Variants in SLC49A4 observed in about 807,000 individuals in gnomAD.
SLC49A4 encodes solute carrier family 49 member 4, also known as disrupted in renal cancer protein 2.
Under a neutral mutation model 50.6 loss-of-function variants are expected in SLC49A4, and 36 were observed. The ratio of observed to expected loss-of-function variants is 0.71; its 90% confidence interval spans 0.55 to 0.94. SLC49A4 has a LOEUF of 0.94. Ranked by LOEUF, SLC49A4 falls within the 40% of genes least tolerant of loss-of-function variation. SLC49A4 has a pLI of 0.00. For missense variants in SLC49A4, 503 were observed against 605.7 expected, an observed-to-expected ratio of 0.83 and a Z score of 1.78; for synonymous variants, 248 against 241.2, an observed-to-expected ratio of 1.03 and a Z score of -0.26.
Position 122,798,477 on chromosome 3 carries a change from A to G in SLC49A4, c.343+2942A>G, listed in dbSNP as rs189351785. Among the ~76,000 whole-genome samples, 80 of 152,200 alleles carry G rather than the reference A, an allele frequency of 5.3e-4. No individual in the cohort carries two copies. In the East Asian group the frequency reaches 0.014, roughly 27 times the overall value. On this transcript the variant is annotated intron_variant, in intron 1 of 8. Coordinates refer to ENST00000261038, the MANE Select transcript of SLC49A4 (RefSeq NM_032839.3). ...TCCTTTGGTTGAAGCAATAAAAAATACATTTAAAAATTCTCTTTATTAGGA... is the reference window on the plus strand; with the variant it reads ...TCCTTTGGTTGAAGCAATAAAAAATGCATTTAAAAATTCTCTTTATTAGGA...
chr3:122,845,013 T>C (rs1255687786), intron 4 of SLC49A4, among the ~76,000 whole-genome samples: 1 of 152,156 alleles, frequency 6.6e-6, no homozygotes, highest in Non-Finnish European at 1.5e-5. Context: ...ATTTGTTACA[T>C]GGGTAAATTC....
chr3:122,811,694 G>GCAGT (rs1421251124), intron 2 of SLC49A4, among the ~76,000 whole-genome samples: 1 of 152,178 alleles, frequency 6.6e-6, no homozygotes, highest in Non-Finnish European at 1.5e-5. Context: ...TGATTAGGAT[G>GCAGT]CAGTATATCA....
chr3:122,795,098 C>G lies in SLC49A4; in HGVS notation c.-95C>G, dbSNP rs913685813. 2 of 1,217,044 alleles carry G rather than the reference C, an allele frequency of 1.6e-6. No homozygotes were observed. Among genetic ancestry groups the G allele is most frequent in the Non-Finnish European group, 2.0e-6 (2 of 976,072 alleles). 75.4% of individuals were successfully genotyped at this position (1,217,044 alleles called of 1,614,324 possible). On this transcript the variant is annotated 5_prime_UTR_variant, in exon 1 of 9. Coordinates refer to ENST00000261038, the MANE Select transcript of SLC49A4 (RefSeq NM_032839.3). ...CGGAGGCCGAGGGCGACCACAGCAG[C>G]CTCCGCCTCCTGCTGCTCAGGACTA...
rs1191412171 is a variant in SLC49A4 at position 122,821,390 on chromosome 3, AG to A, written c.438-5409del. Among the ~76,000 whole-genome samples the A allele has an allele frequency of 3.9e-5, 6 of 152,244 alleles. No individual in the cohort carries two copies. The East Asian group carries it at 7.7e-4, about 20-fold the overall frequency. On this transcript the variant is annotated intron_variant, in intron 2 of 8. Coordinates refer to ENST00000261038, the MANE Select transcript of SLC49A4 (RefSeq NM_032839.3). The stretch of plus-strand genomic sequence containing the variant: ...CTTCAGAGAAGAGGGAAGAAAAGGG[AG>A]TTGGGGGCCGTGGGTTGGGAGGTGG...
intron 2 of SLC49A4, among the ~76,000 whole-genome samples, chr3:122,813,676 C>G (rs1936329047): frequency 6.6e-6 from 1 of 152,122 alleles, no homozygotes; most frequent in Non-Finnish European, 1.5e-5. Flanking sequence ...CCGCTTAATA[C>G]CAAAGGGGCA....
intron 2 of SLC49A4, among the ~76,000 whole-genome samples, chr3:122,823,211 A>C (rs1024463330): frequency 6.6e-6 from 1 of 152,176 alleles, no homozygotes; most frequent in African/African-American, 2.4e-5. Context: ...TGCTCTTCCA[A>C]GAGTAGGCTG....
At chr3:122,860,324 C>A in intron 7 of SLC49A4, 122 bp downstream of exon 7, 1 of 996,660 alleles carries the variant, frequency 1.0e-6, no homozygotes, top group Non-Finnish European at 1.3e-6. Flanking sequence ...AAAAAAGTTT[C>A]TCTTGTCCAG....
chr3:122,844,313 T>C lies in SLC49A4; in HGVS notation c.834-1450T>C, dbSNP rs140686008. On this transcript the variant is annotated intron_variant, in intron 4 of 8. Transcript: ENST00000261038. The stretch of plus-strand genomic sequence containing the variant: ...ATCTTGAACTCCTGGCCTCAAGTTA[T>C]TCTCCTACCTTGGTCTCCCAAAGTG... Among the ~76,000 whole-genome samples, 426 of 152,302 alleles carry C rather than the reference T, an allele frequency of 2.8e-3. 4 individuals carry two copies. The highest frequency in any genetic ancestry group is 9.6e-3 in the African/African-American group (398 of 41,560).
chr3:122,835,575 C>T (rs375490602), intron 4 of SLC49A4, among the ~76,000 whole-genome samples: 202 of 151,024 alleles, frequency 1.3e-3, no homozygotes, highest in African/African-American at 4.7e-3. Context: ...AAAAAAAAAA[C>T]CCTCAACAAA....
intron 2 of SLC49A4, among the ~76,000 whole-genome samples, chr3:122,813,143 G>A (rs1936322291): frequency 6.6e-6 from 1 of 151,734 alleles, no homozygotes; most frequent in Non-Finnish European, 1.5e-5. Flanking sequence ...CCAGCTACTC[G>A]GGAGGCTGAA....
At chr3:122,862,164 G>C (rs1377235640) in intron 7 of SLC49A4, among the ~76,000 whole-genome samples, 1 of 152,088 alleles carries the variant, frequency 6.6e-6, no homozygotes, top group African/African-American at 2.4e-5. Context: ...ATTTCTTTCA[G>C]CTTATGAGTA....
intron 2 of SLC49A4, among the ~76,000 whole-genome samples, chr3:122,813,142 C>T (rs1936322248): frequency 6.6e-6 from 1 of 150,978 alleles, no homozygotes; most frequent in Non-Finnish European, 1.5e-5. Flanking sequence ...CCCAGCTACT[C>T]GGGAGGCTGA....
Position 122,795,119 on chromosome 3 carries a change from G to GTT in SLC49A4, c.-74_-73insTT. ...GCAGCCTCCGCCTCCTGCTGCTCAG[G>GTT]ACTATTCTGCGCTGGGCTAGTCGGC... On this transcript the variant is annotated 5_prime_UTR_variant, in exon 1 of 9. Transcript: ENST00000261038. 7.9e-7 allele frequency: 1 copy of GTT among 1,264,610 alleles called. No homozygotes were observed. Among genetic ancestry groups the GTT allele is most frequent in the Non-Finnish European group, 9.9e-7 (1 of 1,010,714 alleles). The allele number at this position is 1,264,610 out of a possible 1,614,324, so 78.3% of individuals were successfully genotyped here.
chr3:122,844,707 G>A (rs1038908254), intron 4 of SLC49A4, among the ~76,000 whole-genome samples: 2 of 151,810 alleles, frequency 1.3e-5, no homozygotes, highest in African/African-American at 4.8e-5. Flanking sequence ...ACTTGAACCC[G>A]GGAAGCGGAG....
At chr3:122,829,062 G>A (rs1054027306) in intron 3 of SLC49A4, among the ~76,000 whole-genome samples, 7 of 152,090 alleles carry the variant, frequency 4.6e-5, no homozygotes, top group Non-Finnish European at 1.0e-4. Context: ...TCAAAATACT[G>A]TACTAGAATT....
chr3:122,847,636 T>C (rs1406518652), intron 5 of SLC49A4, among the ~76,000 whole-genome samples: 1 of 151,972 alleles, frequency 6.6e-6, no homozygotes, highest in Admixed American at 6.6e-5. Flanking sequence ...TGAGCCACCA[T>C]GCCTGGCCCA....
At chr3:122,870,652 T>C (rs954916999) in intron 7 of SLC49A4, among the ~76,000 whole-genome samples, 1 of 150,604 alleles carries the variant, frequency 6.6e-6, no homozygotes, top group Non-Finnish European at 1.5e-5. Flanking sequence ...CTACTAAAAA[T>C]ACAAAAAAAA....
intron 6 of SLC49A4, among the ~76,000 whole-genome samples, chr3:122,859,683 A>AC (rs552540706): frequency 3.9e-5 from 6 of 152,112 alleles, no homozygotes; most frequent in Middle Eastern, 3.4e-3. Context: ...CTGTACACAC[A>AC]CAAAAAAATA....
chr3:122,798,128 A>G (rs1226992258), intron 1 of SLC49A4, among the ~76,000 whole-genome samples: 1 of 152,152 alleles, frequency 6.6e-6, no homozygotes, highest in Non-Finnish European at 1.5e-5. Context: ...CCTCTGTTAC[A>G]TTTAGTTGTA....
Sources: gnomAD v4.1 joint callset for allele counts (sites outside exome capture counted in the v4.1 genomes callset) on GRCh38, gnomAD v4.1.1 for gene constraint, MANE v1.5 for transcripts, NCBI Gene and HGNC (gene_info 2026-07-23, HGNC 2026-07-21) for gene names.